The following PRKAG2 variants were observed in gnomAD, a reference collection of about 807,000 sequenced individuals.
The protein encoded by PRKAG2 is 5'-AMP-activated protein kinase subunit gamma-2.
A neutral mutation model predicts 69.6 loss-of-function variants in PRKAG2; 26 were observed. The observed-to-expected ratio is 0.37, with a 90% confidence interval of 0.27 to 0.52. The LOEUF (loss-of-function observed/expected upper bound fraction) is 0.52. Among genes scored for constraint, PRKAG2 ranks in the 20% least tolerant of loss-of-function variants. PRKAG2 has a pLI of 0.90. For synonymous variants in PRKAG2, 293 were observed against 285.0 expected, an observed-to-expected ratio of 1.03 and a Z score of -0.28; for missense variants, 557 against 740.0, an observed-to-expected ratio of 0.75 and a Z score of 2.87.
intron 3 of PRKAG2, among the ~76,000 whole-genome samples, chr7:151,679,691 C>G (rs1241157172): frequency 6.6e-6 from 1 of 152,126 alleles, no homozygotes; most frequent in East Asian, 1.9e-4. Flanking sequence ...AAGGAAGGGG[C>G]CAGCCACAGA....
At chr7:151,720,989 G>A (rs1412369397) in intron 3 of PRKAG2, among the ~76,000 whole-genome samples, 1 of 148,730 alleles carries the variant, frequency 6.7e-6, no homozygotes, top group Non-Finnish European at 1.5e-5. Flanking sequence ...GCAGGCAGAG[G>A]GGATGGAGGG....
intron 1 of PRKAG2, among the ~76,000 whole-genome samples, chr7:151,875,250 G>C (rs2080357505): frequency 6.6e-6 from 1 of 152,094 alleles, no homozygotes; most frequent in African/African-American, 2.4e-5. Flanking sequence ...GCCCCTGTGG[G>C]GCTACTTGGC....
intron 3 of PRKAG2, among the ~76,000 whole-genome samples, chr7:151,718,758 G>A (rs1250533730): frequency 6.6e-6 from 1 of 152,016 alleles, no homozygotes; most frequent in East Asian, 1.9e-4. Flanking sequence ...TGGGCCCGTA[G>A]CTGACTGGAG....
intron 1 of PRKAG2, among the ~76,000 whole-genome samples, chr7:151,840,397 A>G (rs1310750729): frequency 6.6e-6 from 1 of 152,194 alleles, no homozygotes; most frequent in African/African-American, 2.4e-5. Flanking sequence ...TCATTCATTC[A>G]TTTAGATGAG....
At chr7:151,665,075 C>A (rs73728233) in intron 4 of PRKAG2, among the ~76,000 whole-genome samples, 1,526 of 152,252 alleles carry the variant, frequency 0.01, 27 homozygotes, top group African/African-American at 0.035. Context: ...TTTGCTGCCC[C>A]GTGAGTGAAG....
At chr7:151,800,119 A>G (rs2077753800) in intron 1 of PRKAG2, among the ~76,000 whole-genome samples, 1 of 152,036 alleles carries the variant, frequency 6.6e-6, no homozygotes, top group South Asian at 2.1e-4. Flanking sequence ...GCACTTTGGG[A>G]GGCCGAGGTG....
At chr7:151,573,091 C>A (rs1807985977) in intron 8 of PRKAG2, among the ~76,000 whole-genome samples, 1 of 150,868 alleles carries the variant, frequency 6.6e-6, no homozygotes, top group African/African-American at 2.4e-5. Context: ...CCAGCCTGGG[C>A]AACAGAGTGA....
chr7:151,791,159 C>A (rs1216134592), intron 1 of PRKAG2, among the ~76,000 whole-genome samples: 1 of 152,246 alleles, frequency 6.6e-6, no homozygotes, highest in Non-Finnish European at 1.5e-5. Context: ...CCCCCAATCC[C>A]ACCTCCCAGC....
chr7:151,730,439 G>A (rs754963724), intron 3 of PRKAG2, among the ~76,000 whole-genome samples: 7 of 152,358 alleles, frequency 4.6e-5, no homozygotes, highest in Non-Finnish European at 5.9e-5. Context: ...AGCCAACGTG[G>A]AGGATCGCTT....
At chr7:151,728,092 CG>C (rs764646670) in intron 3 of PRKAG2, among the ~76,000 whole-genome samples, 4 of 152,110 alleles carry the variant, frequency 2.6e-5, no homozygotes, top group Non-Finnish European at 5.9e-5. Context: ...CGGGCCTGAC[CG>C]GGAGGGGAGA....
At chr7:151,802,318 T>A (rs947592450) in intron 1 of PRKAG2, among the ~76,000 whole-genome samples, 25 of 152,086 alleles carry the variant, frequency 1.6e-4, no homozygotes, top group Non-Finnish European at 5.9e-5. Flanking sequence ...CAGGGACACC[T>A]CCCTCTGCTT....
At chr7:151,791,450 C>T (rs4726094) in intron 1 of PRKAG2, among the ~76,000 whole-genome samples, 25,494 of 152,126 alleles carry the variant, frequency 0.17, 5,670 homozygotes, top group African/African-American at 0.51. Flanking sequence ...TTCCTCTTCC[C>T]GTCTGCCGGC....
chr7:151,728,915 G>C (rs1673358091), intron 3 of PRKAG2, among the ~76,000 whole-genome samples: 1 of 152,120 alleles, frequency 6.6e-6, no homozygotes, highest in Non-Finnish European at 1.5e-5. Context: ...GATGGGGTCA[G>C]AAAAGGGAAA....
chr7:151,700,619 C>T (rs1788234793), intron 3 of PRKAG2, among the ~76,000 whole-genome samples: 1 of 152,176 alleles, frequency 6.6e-6, no homozygotes, highest in Admixed American at 6.5e-5. Flanking sequence ...CCAGGTAATG[C>T]CAGGCCTGCC....
intron 3 of PRKAG2, among the ~76,000 whole-genome samples, chr7:151,739,448 T>TTATTTATA (rs1259583413): frequency 6.6e-6 from 1 of 151,262 alleles, no homozygotes; most frequent in African/African-American, 2.4e-5. Flanking sequence ...CTTTATTTAT[T>TTATTTATA]TATTTATTTA....
At chr7:151,808,257 C>T (rs140120726) in intron 1 of PRKAG2, among the ~76,000 whole-genome samples, 77 of 152,316 alleles carry the variant, frequency 5.1e-4, no homozygotes, top group Admixed American at 7.8e-4. Flanking sequence ...GTGTAGCTGG[C>T]TGAACCGCAG....
At chr7:151,824,416 T>G (rs1200419947) in intron 1 of PRKAG2, among the ~76,000 whole-genome samples, 2 of 152,308 alleles carry the variant, frequency 1.3e-5, no homozygotes, top group Admixed American at 6.5e-5. Context: ...GTAGTGCAGA[T>G]AGTTGCCGGA....
In PRKAG2 at chr7:151,623,363, C is replaced by CAA. The variant is rs71198724; in HGVS notation, c.754+8704_754+8705dup. 0.014 allele frequency among the ~76,000 whole-genome samples: 531 copies of CAA among 36,670 alleles called. 127 individuals are homozygous for CAA. In the East Asian group the frequency reaches 0.17, roughly 12 times the overall value. 24.1% of individuals were successfully genotyped at this position (36,670 alleles called of 152,430 possible). A position where few individuals can be genotyped will look rare whatever the true frequency, so the allele number is the denominator to read the frequency against. On this transcript the variant is annotated intron_variant, in intron 5 of 15. Coordinates refer to ENST00000287878, the MANE Select transcript of PRKAG2 (RefSeq NM_016203.4). ...TGGGCAACAGAGCAAGACTCTGTCT[C>CAA]AAAAAAAAAAAAAAAAAAAAAAAAA...
chr7:151,593,965 C>T (rs998173930), intron 6 of PRKAG2, among the ~76,000 whole-genome samples: 14 of 152,220 alleles, frequency 9.2e-5, no homozygotes, highest in Non-Finnish European at 1.6e-4. Flanking sequence ...GTAAGGGGCT[C>T]CAAGAGCCCG....
Sources: allele counts gnomAD v4.1 joint callset (sites outside exome capture counted in the v4.1 genomes callset), GRCh38; gene constraint gnomAD v4.1.1; transcripts MANE v1.5; gene names NCBI Gene and HGNC (gene_info 2026-07-23, HGNC 2026-07-21).